Variants in PTOV1 observed in about 807,000 individuals in gnomAD.
PTOV1 encodes the protein prostate tumor-overexpressed gene 1 protein.
Under a neutral mutation model 58.0 loss-of-function variants are expected in PTOV1, and 20 were observed. That is an observed-to-expected ratio of 0.34 (90% CI 0.24 to 0.50). The LOEUF is 0.50. PTOV1 is among the 20% of genes least tolerant of loss of function. The pLI, the probability that PTOV1 is intolerant of heterozygous loss-of-function variation, is 0.98. For synonymous variants in PTOV1, 335 were observed against 234.2 expected (o/e 1.43, Z -3.93); for missense variants, 593 against 565.4 (o/e 1.05, Z -0.50).
rs945895573 is a variant in PTOV1 at position 49,851,774 on chromosome 19, G to C, written c.171+275G>C. The C allele has an allele frequency of 5.2e-4, 559 of 1,075,516 alleles. 1 individual carries two copies. The highest frequency in any genetic ancestry group is 5.9e-4 in the Non-Finnish European group (528 of 888,208). 66.6% of individuals were successfully genotyped at this position (1,075,516 alleles called of 1,614,324 possible). A position where few individuals can be genotyped will look rare whatever the true frequency, so the allele number is the denominator to read the frequency against. The stretch of plus-strand genomic sequence containing the variant: ...GACTCCGCGGCCCGATTTAAACGCG[G>C]GCTGGGGGCGGCAGACAGGCAGCCG... On this transcript the variant is annotated intron_variant, in intron 1 of 11. Coordinates refer to ENST00000391842, the Ensembl canonical transcript of PTOV1.
chr19:49,859,770 C>G, intron 10 of PTOV1: 1 of 593,856 alleles, frequency 1.7e-6, no homozygotes, highest in Non-Finnish European at 3.0e-6. Context: ...GGTTCTTGGG[C>G]CCTTCCCGAC....
intron 9 of PTOV1, 29 bp from the exon 10 acceptor site, chr19:49,858,520 G>A: frequency 6.4e-7 from 1 of 1,553,286 alleles, no homozygotes. Flanking sequence ...GGAGAAGCCA[G>A]AGCTGGGGGT....
At position 49,857,997 on chromosome 19, in the gene PTOV1, G is replaced by C. The variant is rs758399521; in HGVS notation, c.878+20G>C. The C allele has an allele frequency of 1.2e-6, 2 of 1,612,912 alleles. No individual in the cohort carries two copies. The highest frequency in any genetic ancestry group is 1.7e-6 in the Non-Finnish European group (2 of 1,179,394). On this transcript the variant is annotated intron_variant, in intron 8 of 11. Coordinates refer to ENST00000391842, the Ensembl canonical transcript of PTOV1. ...GATCCTGTGAGTGCTGGGCTGGGGG[G>C]TGGAGGCAGCATCCAGGGGAGCTGG...
intron 5 of PTOV1, chr19:49,855,633 C>T (rs760285828): frequency 9.4e-5 from 15 of 160,202 alleles, no homozygotes; most frequent in African/African-American, 2.2e-4. Context: ...GGGGCAGGCG[C>T]GGCCATGACC....
upstream of PTOV1, chr19:49,850,908 G>C: frequency 6.5e-7 from 1 of 1,535,838 alleles, no homozygotes; most frequent in South Asian, 1.2e-5. Context: ...CCCGACCCCC[G>C]CAAGGGGCCA....
In PTOV1 at chr19:49,857,428, C is replaced by T. The variant is rs150042098; in HGVS notation, c.715-265C>T. The T allele has an allele frequency of 1.0e-2, 6,042 of 604,692 alleles. 47 individuals are homozygous for T. Among genetic ancestry groups the T allele is most frequent in the Non-Finnish European group, 0.012 (4,238 of 341,738 alleles). The allele number at this position is 604,692 out of a possible 1,614,324, so 37.5% of individuals were successfully genotyped here. A position where few individuals can be genotyped will look rare whatever the true frequency, so the allele number is the denominator to read the frequency against. ...GCTGGAAGGCCCTGCCTGGTAACCA[C>T]GTGTCCTGGTCATGCCTTGCCAGTT... is the stretch of plus-strand genomic sequence containing the variant. On this transcript the variant is annotated intron_variant, in intron 6 of 11. Coordinates refer to ENST00000391842, the Ensembl canonical transcript of PTOV1.
exon 6 of PTOV1, chr19:49,857,115 C>T (rs1439343696): frequency 6.2e-7 from 1 of 1,614,046 alleles, no homozygotes. Flanking sequence ...GGCAGGTCAT[C>T]ACCACCCGCA....
upstream of PTOV1, chr19:49,851,070 C>G (rs1018198868): frequency 6.8e-7 from 1 of 1,470,570 alleles, no homozygotes. Context: ...CGCTCCCGCC[C>G]GGGCCCCGCT....
intron 6 of PTOV1, 198 bp downstream of exon 6, chr19:49,857,328 G>T: frequency 2.7e-6 from 2 of 749,644 alleles, no homozygotes; most frequent in Non-Finnish European, 4.3e-6. Context: ...CTGCAGGGCT[G>T]GAGGGTGGGT....
At chr19:49,853,260 G>A (rs560613565) in intron 1 of PTOV1, 1 of 152,140 alleles carries the variant, frequency 6.6e-6, no homozygotes, top group South Asian at 2.1e-4. Context: ...GTTTTCCCCC[G>A]CCTGGAGGCG....
intron 1 of PTOV1, chr19:49,852,836 A>G (rs544319679): frequency 1.3e-5 from 2 of 152,352 alleles, no homozygotes; most frequent in South Asian, 2.1e-4. Context: ...TCCCAGCGCC[A>G]TAAACAACTT....
At chr19:49,851,194 C>T (rs1170084022) in exon 1 of PTOV1, 22 of 1,213,018 alleles carry the variant, frequency 1.8e-5, no homozygotes, top group Non-Finnish European at 2.2e-5. Flanking sequence ...TCCGGCGGCG[C>T]GTCCCCCGAG....
intron 9 of PTOV1, chr19:49,858,336 ACG>A (rs1286280586): frequency 4.3e-6 from 3 of 701,900 alleles, no homozygotes; most frequent in Non-Finnish European, 7.1e-6. Flanking sequence ...AGGGGCAGCC[ACG>A]ACCTGCACCT....
rs375496247 is a variant in PTOV1 at position 49,860,248 on chromosome 19, C to T, written c.1240-20C>T. 6.2e-7 allele frequency: 1 copy of T among 1,613,578 alleles called. No homozygotes were observed. Among genetic ancestry groups the T allele is most frequent in the African/African-American group, 1.3e-5 (1 of 74,890 alleles). ...ACCCCCGCTGCCTGCTCACCACTGG[C>T]CTCTGATTTCTCGCCGTAGATGGGG... On this transcript the variant is annotated intron_variant, in intron 11 of 11. Coordinates refer to ENST00000391842, the Ensembl canonical transcript of PTOV1.
chr19:49,854,775 AGTGGCT>A, intron 3 of PTOV1, 41 bp downstream of exon 3: 1 of 1,613,128 alleles, frequency 6.2e-7, no homozygotes, highest in Non-Finnish European at 8.5e-7. Context: ...TGGCAGGGGC[AGTGGCT>A]GTGGCCGTGG....
upstream of PTOV1, chr19:49,851,048 G>A (rs1278639652): frequency 4.6e-6 from 7 of 1,508,022 alleles, no homozygotes; most frequent in Non-Finnish European, 6.2e-6. Flanking sequence ...CAGGACCGCC[G>A]AGCCCACACT....
chr19:49,857,366 G>C, intron 6 of PTOV1: 1 of 635,922 alleles, frequency 1.6e-6, no homozygotes, highest in South Asian at 1.9e-5. Flanking sequence ...GAAGCCAGCG[G>C]AGCGGGGAGC....
chr19:49,850,979 G>A, upstream of PTOV1: 2 of 1,535,114 alleles, frequency 1.3e-6, no homozygotes, highest in Non-Finnish European at 8.7e-7. Context: ...TTCCCGCCAC[G>A]CCCCCTGAAG....
At chr19:49,850,909 C>T (rs976730590), upstream of PTOV1, 2 of 1,535,934 alleles carry the variant, frequency 1.3e-6, no homozygotes, top group Non-Finnish European at 1.7e-6. Flanking sequence ...CCGACCCCCG[C>T]AAGGGGCCAG....
Sources: allele counts gnomAD v4.1 joint callset, GRCh38; gene constraint gnomAD v4.1.1; transcripts MANE v1.5; gene names NCBI Gene and HGNC (gene_info 2026-07-23, HGNC 2026-07-21).